Variants in LYPLA1 observed in about 807,000 individuals in gnomAD.
The protein encoded by LYPLA1 is lysophospholipase 1, also known as acyl-protein thioesterase 1.
LYPLA1 carries 17 observed loss-of-function variants against 34.0 expected under a neutral mutation model. The observed-to-expected ratio is 0.50, with a 90% CI of 0.34 to 0.75. LYPLA1 has a LOEUF of 0.75. LYPLA1 is among the 30% of genes least tolerant of loss of function. The pLI is 0.01. For missense variants in LYPLA1, 203 were observed against 288.8 expected (o/e 0.70, Z 2.15); for synonymous variants, 98 against 100.8 (o/e 0.97, Z 0.17).
At chr8:54,096,211 G>A (rs1161310880) in intron 2 of LYPLA1, among the ~76,000 whole-genome samples, 1 of 152,154 alleles carries the variant, frequency 6.6e-6, no homozygotes, top group Non-Finnish European at 1.5e-5. Context: ...AGCTATAAAT[G>A]TTATTTCTGC....
intron 2 of LYPLA1, among the ~76,000 whole-genome samples, chr8:54,079,294 T>C (rs1808136530): frequency 6.6e-6 from 1 of 152,200 alleles, no homozygotes; most frequent in South Asian, 2.1e-4. Flanking sequence ...TTCTGTCTGA[T>C]AATTTCAGTA....
chr8:54,051,273 G>T, intron 7 of LYPLA1, 85 bp from the exon 8 acceptor site: 1 of 1,137,382 alleles, frequency 8.8e-7, no homozygotes, highest in Non-Finnish European at 1.2e-6. Context: ...ACATAAATAT[G>T]CATATATATA....
intron 2 of LYPLA1, among the ~76,000 whole-genome samples, chr8:54,082,547 G>C (rs1407963834): frequency 1.3e-5 from 2 of 151,968 alleles, no homozygotes. Context: ...TCAAACTCCT[G>C]GCCTCAAGTG....
At position 54,082,900 on chromosome 8, in the gene LYPLA1, G is replaced by C. The variant is rs535592216; in HGVS notation, c.102-17087C>G. ...CGCCACTACGCCTGGCTAATTTTTT[G>C]TATTTTTAGTAGAGACGGGGTTTCC... On this transcript the variant is annotated intron_variant, in intron 2 of 8. Coordinates refer to ENST00000316963, the MANE Select transcript of LYPLA1 (RefSeq NM_006330.4). Among the ~76,000 whole-genome samples, 5 of 152,148 alleles carry C rather than the reference G, an allele frequency of 3.3e-5. No homozygotes were observed. In the South Asian group the frequency reaches 1.0e-3, roughly 32 times the overall value.
intron 1 of LYPLA1, chr8:54,101,378 TTTCA>T: frequency 9.5e-7 from 1 of 1,054,002 alleles, no homozygotes; most frequent in Non-Finnish European, 1.1e-6. Context: ...TTCAAACTTC[TTTCA>T]TTGAGGATAA....
chr8:54,079,918 T>C (rs1233348801), intron 2 of LYPLA1, among the ~76,000 whole-genome samples: 2 of 152,214 alleles, frequency 1.3e-5, no homozygotes, highest in African/African-American at 4.8e-5. Context: ...TGATTTTCTG[T>C]AAGCTTTTTC....
chr8:54,071,611 T>G (rs1807472926), intron 2 of LYPLA1, among the ~76,000 whole-genome samples: 1 of 152,076 alleles, frequency 6.6e-6, no homozygotes, highest in South Asian at 2.1e-4. Context: ...AAGCACACAT[T>G]TTATTTTAAA....
chr8:54,053,363 G>A (rs1327189927), intron 6 of LYPLA1: 3 of 285,862 alleles, frequency 1.0e-5, no homozygotes, highest in Non-Finnish European at 1.4e-5. Context: ...CAAAGTGTTG[G>A]GATTACAGGT....
intron 2 of LYPLA1, among the ~76,000 whole-genome samples, chr8:54,092,155 G>A (rs996926485): frequency 6.6e-6 from 1 of 151,330 alleles, no homozygotes; most frequent in South Asian, 2.1e-4. Flanking sequence ...AGGCAGAGGC[G>A]GCGGCGGAGG....
Position 54,096,092 on chromosome 8 carries a change from A to C in LYPLA1, c.101+4816T>G, listed in dbSNP as rs143060669. On this transcript the variant is annotated intron_variant, in intron 2 of 8. Transcript: ENST00000316963. ...GTTATACTGGAGTGTCCTGGTACTT[A>C]AAAATGTACACTGAAGAATTAAGCT... Among the ~76,000 whole-genome samples, 1,120 of 152,288 alleles carry C rather than the reference A, an allele frequency of 7.4e-3. 9 individuals are homozygous for C. The highest frequency in any genetic ancestry group is 0.023 in the African/African-American group (935 of 41,542).
At chr8:54,084,133 A>AAAAAAAAAAAAAT (rs1373090573) in intron 2 of LYPLA1, among the ~76,000 whole-genome samples, 1 of 120,484 alleles carries the variant, frequency 8.3e-6, no homozygotes, top group African/African-American at 4.6e-5. Context: ...AGAAAAAAAA[A>AAAAAAAAAAAAAT]ATAAATAAAT....
At chr8:54,086,383 C>A (rs1264676655) in intron 2 of LYPLA1, among the ~76,000 whole-genome samples, 2 of 145,032 alleles carry the variant, frequency 1.4e-5, no homozygotes, top group African/African-American at 5.1e-5. Flanking sequence ...TATGACCCTG[C>A]CAAATCCCCC....
At chr8:54,085,944 C>G (rs907046816) in intron 2 of LYPLA1, among the ~76,000 whole-genome samples, 3 of 152,090 alleles carry the variant, frequency 2.0e-5, no homozygotes, top group Non-Finnish European at 2.9e-5. Flanking sequence ...TACCCAACAG[C>G]TCATTGAGAA....
At chr8:54,052,387 T>A (rs985158773) in intron 7 of LYPLA1, among the ~76,000 whole-genome samples, 1 of 151,898 alleles carries the variant, frequency 6.6e-6, no homozygotes, top group African/African-American at 2.4e-5. Flanking sequence ...GAGGACTTGG[T>A]GATGGTGATG....
chr8:54,070,068 T>C (rs756648033), intron 2 of LYPLA1, among the ~76,000 whole-genome samples: 1 of 152,252 alleles, frequency 6.6e-6, no homozygotes, highest in Non-Finnish European at 1.5e-5. Flanking sequence ...GCAGCGACTT[T>C]AGATAACCTT....
chr8:54,101,858 G>C lies in LYPLA1; in HGVS notation c.-35C>G, dbSNP rs1810192015. 1 of 1,216,842 alleles carries C rather than the reference G, an allele frequency of 8.2e-7. No individual in the cohort carries two copies. Among genetic ancestry groups the C allele is most frequent in the African/African-American group, 1.6e-5 (1 of 63,568 alleles). The allele number at this position is 1,216,842 out of a possible 1,614,324, so 75.4% of individuals were successfully genotyped here. The stretch of plus-strand genomic sequence containing the variant: ...CAGCTCACAGCGCAAGCGGAAGGAA[G>C]AGCGGGCGCCCGGCCGCGGCCCAAG... On this transcript the variant is annotated 5_prime_UTR_variant, in exon 1 of 9. Transcript: ENST00000316963.
chr8:54,089,180 A>C (rs1364858421), intron 2 of LYPLA1, among the ~76,000 whole-genome samples: 1 of 152,212 alleles, frequency 6.6e-6, no homozygotes, highest in Non-Finnish European at 1.5e-5. Context: ...TGAACTGTAT[A>C]CTTTAAAAGA....
intron 2 of LYPLA1, among the ~76,000 whole-genome samples, chr8:54,080,341 A>C (rs1447546466): frequency 6.6e-6 from 1 of 152,204 alleles, no homozygotes; most frequent in Non-Finnish European, 1.5e-5. Context: ...TGGGCAACAA[A>C]GCAAGACTCT....
At chr8:54,085,385 T>C (rs571222689) in intron 2 of LYPLA1, among the ~76,000 whole-genome samples, 2 of 152,376 alleles carry the variant, frequency 1.3e-5, no homozygotes, top group Non-Finnish European at 2.9e-5. Flanking sequence ...GTGCCGAGAT[T>C]GCAGCCTCTG....
Sources: gnomAD v4.1 joint callset for allele counts (sites outside exome capture counted in the v4.1 genomes callset) on GRCh38, gnomAD v4.1.1 for gene constraint, MANE v1.5 for transcripts, NCBI Gene and HGNC (gene_info 2026-07-23, HGNC 2026-07-21) for gene names.